TMC4: variants seen among roughly 807,000 people sequenced by gnomAD.
The protein encoded by TMC4 is voltage-gated chloride channel TMC4.
Under a neutral mutation model 82.0 loss-of-function variants are expected in TMC4, and 70 were observed. That is an observed-to-expected ratio of 0.85 (90% CI 0.70 to 1.04). TMC4 has a LOEUF of 1.04. TMC4 is among the 50% of genes least tolerant of loss of function. TMC4 has a pLI of 0.00. For synonymous variants in TMC4, 446 were observed against 406.0 expected (o/e 1.10, Z -1.18); for missense variants, 879 against 899.0 (o/e 0.98, Z 0.28).
chr19:54,160,342 G>A lies in TMC4; in HGVS notation c.2085C>T (p.Arg695=), dbSNP rs77135688. Residue 695 remains arginine (R), a synonymous_variant, in exon 15 of 15, where the codon CGC becomes CGT. Transcript: ENST00000619895. ...EAQNKVFLAR[R]AVALTSTKPA... ...GTTTGGTGGAGGTCAGCGCCACAGC[G>A]CGCCGTGCCAGGAAGACTTTATTCT... The A allele has an allele frequency of 2.1e-5, 32 of 1,523,798 alleles. No individual in the cohort carries two copies. In the African/African-American group the frequency reaches 3.6e-4, roughly 17 times the overall value. The allele number at this position is 1,523,798 out of a possible 1,614,324, so 94.4% of individuals were successfully genotyped here. A position where few individuals can be genotyped will look rare whatever the true frequency, so the allele number is the denominator to read the frequency against.
intron 1 of TMC4, chr19:54,172,602 G>A: frequency 3.4e-6 from 1 of 296,446 alleles, no homozygotes; most frequent in Middle Eastern, 9.7e-4. Flanking sequence ...AGGAAACCAG[G>A]TTCCCAGCCC....
chr19:54,168,778 T>TC (rs370769833), intron 3 of TMC4, 98 bp from the exon 4 acceptor site: 11 of 362,022 alleles, frequency 3.0e-5, no homozygotes, highest in East Asian at 9.5e-5. Context: ...TTCCTTTCTT[T>TC]CTTTCTTTTC....
chr19:54,164,389 T>A, intron 7 of TMC4, 45 bp downstream of exon 7: 1 of 1,561,296 alleles, frequency 6.4e-7, no homozygotes, highest in Non-Finnish European at 8.7e-7. Flanking sequence ...GTTGGAAATG[T>A]AGGTTCCAGG....
rs530369939 is a variant in TMC4 at position 54,172,202 on chromosome 19, G to A, written c.80-119C>T. 1.1e-4 allele frequency: 76 copies of A among 674,146 alleles called. 2 individuals are homozygous for A. Among genetic ancestry groups the A allele is most frequent in the African/African-American group, 8.0e-4 (39 of 49,052 alleles). 41.8% of individuals were successfully genotyped at this position (674,146 alleles called of 1,614,324 possible). On this transcript the variant is annotated intron_variant, in intron 1 of 14. Coordinates refer to ENST00000619895, the MANE Select transcript of TMC4 (RefSeq NM_144686.4). ...CTCAGACCCAGGAGTCCAGGCCCCC[G>A]GCTCCTCCTCCCTCAGACCCAGGAG...
At chr19:54,165,880 G>A (rs2075690460) in intron 5 of TMC4, among the ~76,000 whole-genome samples, 1 of 152,132 alleles carries the variant, frequency 6.6e-6, no homozygotes, top group African/African-American at 2.4e-5. Context: ...AGGCCCTGAG[G>A]AAGACAGAGA....
At position 54,160,456 on chromosome 19, in the gene TMC4, G is replaced by A; in HGVS notation, c.2052+11C>T. On this transcript the variant is annotated intron_variant, in intron 14 of 14. Coordinates refer to ENST00000619895, the MANE Select transcript of TMC4 (RefSeq NM_144686.4). ...TCCCCAGGGGCCCTCTCAGGGACCC[G>A]CCTGGCTCACCGTCTCTCTCTGACG... 1 of 1,612,882 alleles carries A rather than the reference G, an allele frequency of 6.2e-7. No individual in the cohort carries two copies. Among genetic ancestry groups the A allele is most frequent in the Non-Finnish European group, 8.5e-7 (1 of 1,179,118 alleles).
Position 54,173,056 on chromosome 19 carries a change from G to T in TMC4, c.62C>A (p.Pro21His). The T allele has an allele frequency of 6.2e-7, 1 of 1,613,506 alleles. No homozygotes were observed. The change falls in exon 1 of 15, where the codon CCC becomes CAC. Residue 21 changes from proline to histidine, a missense_variant. Physicochemically the swap from Pro to His is moderately conservative, Grantham distance 77 (BLOSUM62 -2). Coordinates refer to ENST00000619895, the MANE Select transcript of TMC4 (RefSeq NM_144686.4). ...AWGSSREWLA[P>H]REARGGPSLS... ...TTCCCTACCTCCTCTGGCCTCCCGG[G>T]GGGCCAGCCACTCCCTAGAGGAGCC...
intron 2 of TMC4, among the ~76,000 whole-genome samples, chr19:54,171,171 C>T (rs746303425): frequency 1.4e-4 from 10 of 72,224 alleles, no homozygotes; most frequent in Non-Finnish European, 2.7e-4. Context: ...TCCAATGGCA[C>T]GATCTTGGCT....
chr19:54,160,680 C>T, intron 13 of TMC4, 135 bp from the exon 14 acceptor site: 1 of 1,485,850 alleles, frequency 6.7e-7, no homozygotes, highest in East Asian at 2.4e-5. Context: ...TCTCCCAGCC[C>T]CTCCGCCTTC....
chr19:54,161,055 C>T (rs2075534690), intron 12 of TMC4, 22 bp from the exon 13 acceptor site: 1 of 1,613,574 alleles, frequency 6.2e-7, no homozygotes, highest in African/African-American at 1.3e-5. Flanking sequence ...ACAGGCTGGG[C>T]TCACATAGTG....
At chr19:54,160,404 A>T in intron 14 of TMC4, 30 bp from the exon 15 acceptor site, 2 of 1,582,232 alleles carry the variant, frequency 1.3e-6, no homozygotes, top group Non-Finnish European at 1.7e-6. Context: ...AGGTGAGACA[A>T]TCCTCTTCCC....
intron 7 of TMC4, 26 bp downstream of exon 7, chr19:54,164,408 G>A: frequency 6.3e-7 from 1 of 1,586,520 alleles, no homozygotes. Flanking sequence ...GGACCCCCTG[G>A]CTTCCTCTTC....
chr19:54,163,120 G>T lies in TMC4; in HGVS notation c.1317C>A (p.Leu439=). The T allele has an allele frequency of 1.9e-6, 3 of 1,613,904 alleles. No individual in the cohort carries two copies. The highest frequency in any genetic ancestry group is 2.5e-6 in the Non-Finnish European group (3 of 1,179,966). Residue 439 remains leucine, a synonymous_variant, in exon 9 of 15, where the codon CTC becomes CTA. Coordinates refer to ENST00000619895, the MANE Select transcript of TMC4 (RefSeq NM_144686.4). ...AAGTGATCTGATTCCAGAGAGAGAA[G>T]AGCAGGACCACCAGGGAGGCGAGGC... ...FLRLASLVVL[L]FSLWNQITCG... is the part of the protein sequence containing the mutation.
chr19:54,165,695 C>T, intron 5 of TMC4, 129 bp from the exon 6 acceptor site: 1 of 1,062,444 alleles, frequency 9.4e-7, no homozygotes, highest in Non-Finnish European at 1.3e-6. Context: ...CGAGTTCCCA[C>T]CAGACCAGAT....
intron 10 of TMC4, 124 bp downstream of exon 10, chr19:54,162,549 A>C: frequency 1.2e-6 from 1 of 836,100 alleles, no homozygotes; most frequent in Non-Finnish European, 2.0e-6. Context: ...CTGCGGACCT[A>C]GGGCAAGCAA....
intron 9 of TMC4, 79 bp from the exon 10 acceptor site, chr19:54,162,849 C>A (rs1343840370): frequency 1.3e-6 from 2 of 1,514,306 alleles, no homozygotes; most frequent in Admixed American, 3.6e-5. Flanking sequence ...CTCCACATCG[C>A]AAGCCTATGA....
At chr19:54,164,387 T>G in intron 7 of TMC4, 47 bp downstream of exon 7, 1 of 1,559,626 alleles carries the variant, frequency 6.4e-7, no homozygotes, top group Non-Finnish European at 8.7e-7. Context: ...CCGTTGGAAA[T>G]GTAGGTTCCA....
chr19:54,164,556 T>G lies in TMC4; in HGVS notation c.991A>C (p.Thr331Pro). Reference protein sequence around the residue: ...TVVRRQAAVRTLGQQARVWLV... With the variant: ...TVVRRQAAVRPLGQQARVWLV... ...CAAACCCTGGCTTGCTGGCCCAGCG[T>G]CCGCACCGCAGCCTGGCGCCGCACC... The change falls in exon 7 of 15, where the codon ACG becomes CCG. Residue 331 changes from threonine (T) to proline (P), a missense_variant. Transcript: ENST00000619895. The G allele has an allele frequency of 6.2e-7, 1 of 1,613,790 alleles. No individual in the cohort carries two copies. The highest frequency in any genetic ancestry group is 8.5e-7 in the Non-Finnish European group (1 of 1,179,984).
At chr19:54,162,907 T>C in intron 9 of TMC4, 126 bp downstream of exon 9, 1 of 1,555,568 alleles carries the variant, frequency 6.4e-7, no homozygotes, top group Admixed American at 1.8e-5. Flanking sequence ...CAAACTTTCA[T>C]ACCCTTGGGA....
Sources: allele counts gnomAD v4.1 joint callset (sites outside exome capture counted in the v4.1 genomes callset), GRCh38; gene constraint gnomAD v4.1.1; transcripts MANE v1.5; gene names NCBI Gene and HGNC (gene_info 2026-07-23, HGNC 2026-07-21).